TRAM1: variants seen among roughly 807,000 people sequenced by gnomAD.
TRAM1 encodes translocation associated membrane protein 1.
TRAM1 carries 17 observed loss-of-function variants against 48.7 expected under a neutral mutation model. That is an observed-to-expected ratio of 0.35 (90% CI 0.24 to 0.52). The LOEUF (loss-of-function observed/expected upper bound fraction) is 0.52, where lower values mean the gene tolerates loss of function less well. Ranked by LOEUF, TRAM1 falls within the 20% of genes least tolerant of loss-of-function variation. The probability of loss-of-function intolerance (pLI) is 0.94; values close to 1 mark genes in which losing one functional copy is unlikely to be tolerated. For synonymous variants in TRAM1, 182 were observed against 154.0 expected (o/e 1.18, Z -1.34); for missense variants, 351 against 441.5 (o/e 0.79, Z 1.84).
chr8:70,589,561 A>G (rs1215257027), intron 6 of TRAM1, among the ~76,000 whole-genome samples: 6 of 152,162 alleles, frequency 3.9e-5, no homozygotes, highest in Non-Finnish European at 8.8e-5. Context: ...AATTTTAAAT[A>G]AAGTGGTGGA....
chr8:70,604,297 A>T (rs1817674382), intron 1 of TRAM1, among the ~76,000 whole-genome samples: 1 of 152,218 alleles, frequency 6.6e-6, no homozygotes, highest in Non-Finnish European at 1.5e-5. Context: ...TGTTATATAG[A>T]GATGTTAACT....
intron 6 of TRAM1, among the ~76,000 whole-genome samples, chr8:70,589,531 TTTTA>T (rs1382761802): frequency 6.6e-6 from 1 of 152,200 alleles, no homozygotes; most frequent in Non-Finnish European, 1.5e-5. Flanking sequence ...AATGAAATAC[TTTTA>T]TTTAACTGTA....
chr8:70,596,458 T>C (rs942535956), intron 4 of TRAM1, 137 bp from the exon 5 acceptor site: 9 of 519,296 alleles, frequency 1.7e-5, no homozygotes, highest in African/African-American at 1.0e-4. Flanking sequence ...AAATCCTTAG[T>C]TGTTTTAGTT....
chr8:70,578,919 G>C (rs774883532), intron 10 of TRAM1, among the ~76,000 whole-genome samples: 1 of 152,146 alleles, frequency 6.6e-6, no homozygotes, highest in Non-Finnish European at 1.5e-5. Flanking sequence ...TGCTTTCCAC[G>C]GTTTCAGTTA....
chr8:70,594,486 A>C lies in TRAM1; in HGVS notation c.570+20T>G. The C allele has an allele frequency of 6.4e-7, 1 of 1,567,136 alleles. No individual in the cohort carries two copies. Among genetic ancestry groups the C allele is most frequent in the African/African-American group, 1.4e-5 (1 of 71,892 alleles). On this transcript the variant is annotated intron_variant, in intron 6 of 10. Coordinates refer to ENST00000262213, the MANE Select transcript of TRAM1 (RefSeq NM_014294.6). ...AAAAAATGACAAGACATTTTTTAAC[A>C]CTACAAAATCCCAGCTTACTTTTTT... is the stretch of plus-strand genomic sequence containing the variant.
At chr8:70,586,436 T>TA (rs1170046943) in intron 8 of TRAM1, among the ~76,000 whole-genome samples, 1 of 151,770 alleles carries the variant, frequency 6.6e-6, no homozygotes, top group African/African-American at 2.4e-5. Flanking sequence ...AATAAAATAA[T>TA]AAAAAAAGAG....
At chr8:70,582,250 T>C (rs771315267) in intron 10 of TRAM1, among the ~76,000 whole-genome samples, 10 of 152,022 alleles carry the variant, frequency 6.6e-5, no homozygotes, top group Non-Finnish European at 1.5e-4. Context: ...TTCAACTTAA[T>C]ATCCCAGCAA....
In TRAM1 at chr8:70,608,161, C is replaced by A. The variant is rs770304927; in HGVS notation, c.39G>T (p.Val13=). The change falls in exon 1 of 11, where the codon GTG becomes GTT. Residue 13 remains valine, a synonymous_variant. Transcript: ENST00000262213. ...TCTGCAGGACGAATTCGTGGCTCAG[C>A]ACTGGGGGGCTCTTGGTGCTTTTCT... ...IRKKSTKSPP[V]LSHEFVLQNH... is the part of the protein sequence containing the mutation. The A allele has an allele frequency of 2.5e-6, 4 of 1,595,658 alleles. No individual in the cohort carries two copies. Among genetic ancestry groups the A allele is most frequent in the Non-Finnish European group, 3.4e-6 (4 of 1,172,322 alleles).
chr8:70,580,726 T>C (rs1817057063), intron 10 of TRAM1, among the ~76,000 whole-genome samples: 1 of 147,850 alleles, frequency 6.8e-6, no homozygotes, highest in African/African-American at 2.5e-5. Context: ...GAAAATGCAA[T>C]AGAAAGCATC....
intron 10 of TRAM1, among the ~76,000 whole-genome samples, 190 bp downstream of exon 10, chr8:70,582,974 A>G (rs1817113192): frequency 6.6e-6 from 1 of 152,230 alleles, no homozygotes; most frequent in South Asian, 2.1e-4. Flanking sequence ...GAGGGGAGTA[A>G]CTGAGTTTCC....
chr8:70,606,083 T>C (rs987305036), intron 1 of TRAM1, among the ~76,000 whole-genome samples: 6 of 152,244 alleles, frequency 3.9e-5, no homozygotes, highest in Non-Finnish European at 4.4e-5. Flanking sequence ...AGATGGTTTA[T>C]GACAAGTTAC....
chr8:70,594,492 A>G lies in TRAM1; in HGVS notation c.570+14T>C, dbSNP rs1264804773. 6.3e-7 allele frequency: 1 copy of G among 1,584,566 alleles called. No homozygotes were observed. The highest frequency in any genetic ancestry group is 8.5e-7 in the Non-Finnish European group (1 of 1,170,680). On this transcript the variant is annotated intron_variant, in intron 6 of 10. Coordinates refer to ENST00000262213, the MANE Select transcript of TRAM1 (RefSeq NM_014294.6). Reference sequence around the variant, plus strand: ...TGACAAGACATTTTTTAACACTACAAAATCCCAGCTTACTTTTTTGGTTTT... The same window carrying G: ...TGACAAGACATTTTTTAACACTACAGAATCCCAGCTTACTTTTTTGGTTTT...
intron 6 of TRAM1, among the ~76,000 whole-genome samples, chr8:70,590,396 G>A (rs989820164): frequency 3.3e-5 from 5 of 152,154 alleles, no homozygotes; most frequent in African/African-American, 1.2e-4. Flanking sequence ...AACCCAATTA[G>A]GTGGAGCGCA....
chr8:70,579,791 A>C (rs930041585), intron 10 of TRAM1, among the ~76,000 whole-genome samples: 1 of 152,210 alleles, frequency 6.6e-6, no homozygotes, highest in Non-Finnish European at 1.5e-5. Flanking sequence ...GAGGAACAAG[A>C]GTATTCATTT....
intron 1 of TRAM1, chr8:70,607,467 C>T: frequency 1.0e-6 from 1 of 985,486 alleles, no homozygotes; most frequent in Non-Finnish European, 1.2e-6. Context: ...TGCGCCGGTG[C>T]CCGGCGGCCA....
At chr8:70,576,069 T>TAAAAAAAAAAAAAAA (rs1391722559) in intron 10 of TRAM1, among the ~76,000 whole-genome samples, 1 of 40,132 alleles carries the variant, frequency 2.5e-5, no homozygotes, top group Non-Finnish European at 5.4e-5. Context: ...AGACTCCATC[T>TAAAAAAAAAAAAAAA]AAAAAAAAAA....
intron 6 of TRAM1, among the ~76,000 whole-genome samples, chr8:70,591,234 G>A (rs1386490086): frequency 1.3e-5 from 2 of 152,148 alleles, no homozygotes; most frequent in Non-Finnish European, 2.9e-5. Context: ...AGCCTCCCCA[G>A]TAGCCAGGAC....
intron 9 of TRAM1, 111 bp downstream of exon 9, chr8:70,583,539 G>GTATT (rs1817129782): frequency 7.0e-7 from 1 of 1,430,074 alleles, no homozygotes. Context: ...AATCAAATGA[G>GTATT]TATTTTCCCC....
At chr8:70,606,847 T>C (rs1478611040) in intron 1 of TRAM1, 5 of 959,702 alleles carry the variant, frequency 5.2e-6, no homozygotes, top group Non-Finnish European at 6.2e-6. Context: ...AAAAAACAAA[T>C]ATGCTCCATT....
Sources: allele counts gnomAD v4.1 joint callset (sites outside exome capture counted in the v4.1 genomes callset), GRCh38; gene constraint gnomAD v4.1.1; transcripts MANE v1.5; gene names NCBI Gene and HGNC (gene_info 2026-07-23, HGNC 2026-07-21).